The following LYPD6B variants were observed in gnomAD, a reference collection of about 807,000 sequenced individuals.
The protein encoded by LYPD6B is LY6/PLAUR domain containing 6B.
Under a neutral mutation model 22.8 loss-of-function variants are expected in LYPD6B, and 17 were observed. The ratio of observed to expected loss-of-function variants is 0.75; its 90% confidence interval spans 0.51 to 1.12. The LOEUF (loss-of-function observed/expected upper bound fraction) is 1.12. LYPD6B is among the 50% of genes most tolerant of loss of function. LYPD6B has a pLI of 0.00. For synonymous variants in LYPD6B, 106 were observed against 91.6 expected (o/e 1.16, Z -0.90); for missense variants, 221 against 258.3 (o/e 0.86, Z 0.99).
rs563405906 is a variant in LYPD6B, at chr2:149,178,054, A to AT, written c.77+17229dup. On this transcript the variant is annotated intron_variant, in intron 3 of 6. Transcript: ENST00000409642. ...AGAGAAAATTGAGATTCCAAGAAGT[A>AT]TTTTTTTTTTCAGGTTAAACAGTTC... Among the ~76,000 whole-genome samples, 110 of 149,866 alleles carry AT rather than the reference A, an allele frequency of 7.3e-4. 1 individual carries two copies. Among genetic ancestry groups the AT allele is most frequent in the Non-Finnish European group, 8.3e-4 (56 of 67,288 alleles).
At chr2:149,180,098 A>G (rs1691602028) in intron 3 of LYPD6B, among the ~76,000 whole-genome samples, 1 of 152,190 alleles carries the variant, frequency 6.6e-6, no homozygotes, top group Non-Finnish European at 1.5e-5. Flanking sequence ...TTGCTGTCAA[A>G]GAAGAGAAAT....
At chr2:149,129,284 C>T (rs549819320) in intron 1 of LYPD6B, among the ~76,000 whole-genome samples, 12 of 152,274 alleles carry the variant, frequency 7.9e-5, no homozygotes, top group African/African-American at 2.4e-4. Flanking sequence ...AGAGCTATAG[C>T]GGGTGAAGTT....
intron 2 of LYPD6B, 170 bp downstream of exon 2, chr2:149,131,123 C>T: frequency 1.8e-6 from 1 of 557,298 alleles, no homozygotes; most frequent in Non-Finnish European, 3.2e-6. Flanking sequence ...AATGTGGTTT[C>T]AGTATCTTCC....
At chr2:149,171,501 T>A (rs1321885865) in intron 3 of LYPD6B, among the ~76,000 whole-genome samples, 1 of 151,412 alleles carries the variant, frequency 6.6e-6, no homozygotes, top group Non-Finnish European at 1.5e-5. Context: ...TCTCATTCCT[T>A]ACGTGAGAGC....
chr2:149,119,563 G>A (rs1290582805), intron 1 of LYPD6B, among the ~76,000 whole-genome samples: 3 of 152,230 alleles, frequency 2.0e-5, no homozygotes, highest in African/African-American at 7.2e-5. Flanking sequence ...TTGAGGGTGA[G>A]GGATGATATG....
At chr2:149,187,465 T>G (rs1692191680) in intron 3 of LYPD6B, 1 of 1,524,236 alleles carries the variant, frequency 6.6e-7, no homozygotes, top group Non-Finnish European at 8.8e-7. Flanking sequence ...AGAATCACAG[T>G]AAACCAAACA....
rs1054461979 is a variant in LYPD6B, at chr2:149,130,869, G to T, written c.-66-14G>T. 3.7e-5 allele frequency: 38 copies of T among 1,038,722 alleles called. No individual in the cohort carries two copies. The South Asian group carries it at 5.0e-4, about 14-fold the overall frequency. 64.3% of individuals were successfully genotyped at this position (1,038,722 alleles called of 1,614,324 possible). On this transcript the variant is annotated splice_polypyrimidine_tract_variant and intron_variant, in intron 1 of 6. Transcript: ENST00000409642. ...ATCAGTCATAATGATACCTTTTCAT[G>T]TTCATTTGTTTAGATATGCCACACT...
intron 3 of LYPD6B, among the ~76,000 whole-genome samples, chr2:149,192,748 T>C (rs760656966): frequency 6.6e-6 from 1 of 152,138 alleles, no homozygotes; most frequent in Non-Finnish European, 1.5e-5. Flanking sequence ...TTGAGCCCTC[T>C]TAGCCCTCAA....
chr2:149,094,909 G>A (rs74345416), intron 1 of LYPD6B, among the ~76,000 whole-genome samples: 6,659 of 152,184 alleles, frequency 0.044, 340 homozygotes, highest in African/African-American at 0.13. Context: ...AATTATTGTT[G>A]TATCATTATT....
chr2:149,064,768 G>T lies in LYPD6B; in HGVS notation c.-67+25967G>T, dbSNP rs187153265. Among the ~76,000 whole-genome samples, 289 of 152,280 alleles carry T rather than the reference G, an allele frequency of 1.9e-3. 3 individuals are homozygous for T. Among genetic ancestry groups the T allele is most frequent in the Non-Finnish European group, 2.5e-4 (17 of 68,020 alleles). Reference sequence around the variant, plus strand: ...CGTTTGGGGACCTGGAGGCTGGTGGGAATTCTCTGTGCTCATCTGAATGGT... The same window carrying T: ...CGTTTGGGGACCTGGAGGCTGGTGGTAATTCTCTGTGCTCATCTGAATGGT... On this transcript the variant is annotated intron_variant, in intron 1 of 6. Transcript: ENST00000409642.
chr2:149,148,344 C>T (rs535690321), intron 2 of LYPD6B, among the ~76,000 whole-genome samples: 9 of 152,254 alleles, frequency 5.9e-5, no homozygotes, highest in African/African-American at 2.2e-4. Flanking sequence ...TGATTAAGGG[C>T]TGGAGGGAGT....
At chr2:149,143,252 A>C (rs1468344124) in intron 2 of LYPD6B, among the ~76,000 whole-genome samples, 1 of 152,142 alleles carries the variant, frequency 6.6e-6, no homozygotes, top group Admixed American at 6.6e-5. Context: ...TTTGTATAAG[A>C]TGAGACCATT....
Position 149,068,682 on chromosome 2 carries a change from A to G in LYPD6B, c.-67+29881A>G, listed in dbSNP as rs1684453865. ...ACCTTTTGTCCCTTCTTAAAAAACT[A>G]GGTTGGCATGCATTTGACTTCACAC... is the stretch of plus-strand genomic sequence containing the variant. On this transcript the variant is annotated intron_variant, in intron 1 of 6. Coordinates refer to ENST00000409642, the MANE Select transcript of LYPD6B (RefSeq NM_177964.5). 3.6e-6 allele frequency: 2 copies of G among 551,052 alleles called. 1 individual carries two copies. The highest frequency in any genetic ancestry group is 7.2e-6 in the Non-Finnish European group (2 of 276,948). 34.1% of individuals were successfully genotyped at this position (551,052 alleles called of 1,614,324 possible). A position where few individuals can be genotyped will look rare whatever the true frequency, so the allele number is the denominator to read the frequency against.
chr2:149,181,391 C>T (rs1691709207), intron 3 of LYPD6B, among the ~76,000 whole-genome samples: 1 of 151,266 alleles, frequency 6.6e-6, no homozygotes, highest in Non-Finnish European at 1.5e-5. Context: ...TTCAGCTTTG[C>T]TGTTGTTCAG....
chr2:149,165,215 A>G (rs62188323), intron 3 of LYPD6B, among the ~76,000 whole-genome samples: 1,901 of 152,254 alleles, frequency 0.012, 20 homozygotes, highest in Non-Finnish European at 0.021. Context: ...ATAAGCTTGA[A>G]GCCTAAACTC....
chr2:149,202,535 G>A (rs1380909653), intron 3 of LYPD6B, among the ~76,000 whole-genome samples: 2 of 152,178 alleles, frequency 1.3e-5, no homozygotes, highest in African/African-American at 4.8e-5. Context: ...AGTAGCACCT[G>A]CTATTCACCA....
chr2:149,159,582 ATG>A (rs995155277), intron 2 of LYPD6B, among the ~76,000 whole-genome samples: 11 of 121,938 alleles, frequency 9.0e-5, no homozygotes, highest in Admixed American at 2.5e-4. Flanking sequence ...GAGAGAGCAT[ATG>A]TGTGCGTGTG....
intron 1 of LYPD6B, among the ~76,000 whole-genome samples, chr2:149,130,281 G>A (rs1687944666): frequency 6.6e-6 from 1 of 152,132 alleles, no homozygotes; most frequent in Non-Finnish European, 1.5e-5. Context: ...ATTATTCTAG[G>A]GGAAAAAGCT....
intron 1 of LYPD6B, among the ~76,000 whole-genome samples, chr2:149,104,735 A>AT (rs1686387250): frequency 6.6e-6 from 1 of 152,102 alleles, no homozygotes; most frequent in South Asian, 2.1e-4. Context: ...ATTTATCAAA[A>AT]TTTTTACTGG....
Sources: gnomAD v4.1 joint callset for allele counts (sites outside exome capture counted in the v4.1 genomes callset) on GRCh38, gnomAD v4.1.1 for gene constraint, MANE v1.5 for transcripts, NCBI Gene and HGNC (gene_info 2026-07-23, HGNC 2026-07-21) for gene names.